CPXM2: variants seen among roughly 807,000 people sequenced by gnomAD.
The protein encoded by CPXM2 is carboxypeptidase X, M14 family member 2.
CPXM2 carries 66 observed loss-of-function variants against 86.1 expected under a neutral mutation model. The ratio of observed to expected loss-of-function variants is 0.77; its 90% confidence interval spans 0.63 to 0.94. The LOEUF is 0.94. Among genes scored for constraint, CPXM2 ranks in the 40% least tolerant of loss-of-function variants. The probability of loss-of-function intolerance (pLI) is 0.00; values close to 1 mark genes in which losing one functional copy is unlikely to be tolerated. For missense variants in CPXM2, 948 were observed against 1,026.3 expected (o/e 0.92, Z 1.04); for synonymous variants, 388 against 400.2 (o/e 0.97, Z 0.36).
chr10:123,857,571 GGC>G (rs1402656724), intron 3 of CPXM2, among the ~76,000 whole-genome samples: 3 of 130,388 alleles, frequency 2.3e-5, no homozygotes, highest in Non-Finnish European at 3.3e-5. Context: ...GATGGAAGGC[GGC>G]GTGGAGATGG....
chr10:123,938,691 C>T (rs1328419779), intron 2 of CPXM2, among the ~76,000 whole-genome samples: 11 of 152,174 alleles, frequency 7.2e-5, no homozygotes, highest in South Asian at 6.2e-4. Context: ...GCTGGCTGCC[C>T]GGCTGGCCAG....
At chr10:123,819,025 C>T (rs2134108194) in intron 4 of CPXM2, among the ~76,000 whole-genome samples, 1 of 152,236 alleles carries the variant, frequency 6.6e-6, no homozygotes, top group South Asian at 2.1e-4. Context: ...AGGAATGCTG[C>T]CACCAGGAGA....
At chr10:123,807,568 G>A (rs1250564440) in intron 4 of CPXM2, among the ~76,000 whole-genome samples, 2 of 152,166 alleles carry the variant, frequency 1.3e-5, no homozygotes, top group Non-Finnish European at 2.9e-5. Flanking sequence ...ATGAAGACAA[G>A]GAAGTAATCT....
In CPXM2 at chr10:123,754,885, G is replaced by GT; in HGVS notation, c.1918-124dup. ...CCACCAAGAACTCACACAGCACCAC[G>GT]TCTTGCTCAGAAGGCTTGGAACCGA... On this transcript the variant is annotated intron_variant, in intron 12 of 13. Coordinates refer to ENST00000241305, the MANE Select transcript of CPXM2 (RefSeq NM_198148.3). The surrounding 1 kb of genome is among the most constrained non-coding windows in gnomAD (Gnocchi z 4.0). 1 of 676,434 alleles carries GT rather than the reference G, an allele frequency of 1.5e-6. No homozygotes were observed. Among genetic ancestry groups the GT allele is most frequent in the East Asian group, 2.5e-5 (1 of 40,196 alleles). The allele number at this position is 676,434 out of a possible 1,614,324, so 41.9% of individuals were successfully genotyped here. A position where few individuals can be genotyped will look rare whatever the true frequency, so the allele number is the denominator to read the frequency against.
At chr10:123,817,969 T>C (rs759188150) in intron 4 of CPXM2, among the ~76,000 whole-genome samples, 8 of 152,200 alleles carry the variant, frequency 5.3e-5, no homozygotes, top group African/African-American at 9.6e-5. Context: ...TGCAATTACA[T>C]ACTGATACAT....
chr10:123,769,779 C>G (rs1207100900), intron 8 of CPXM2, among the ~76,000 whole-genome samples: 1 of 152,194 alleles, frequency 6.6e-6, no homozygotes, highest in Admixed American at 6.5e-5. Flanking sequence ...GACTTCCCAG[C>G]TTCCCGAACT....
In CPXM2 at chr10:123,795,956, A is replaced by C. The variant is rs531762445; in HGVS notation, c.889+2020T>G. ...ACCCGCAGAGAAAAGCTGCGGCCCTACTTTTTCAAGCAAGCAGACCAAGGC... is the reference window on the plus strand; with the variant it reads ...ACCCGCAGAGAAAAGCTGCGGCCCTCCTTTTTCAAGCAAGCAGACCAAGGC... On this transcript the variant is annotated intron_variant, in intron 6 of 13. Coordinates refer to ENST00000241305, the MANE Select transcript of CPXM2 (RefSeq NM_198148.3). Among the ~76,000 whole-genome samples the C allele has an allele frequency of 2.0e-5, 3 of 152,198 alleles. No homozygotes were observed. The South Asian group carries it at 6.2e-4, about 32-fold the overall frequency.
intron 3 of CPXM2, among the ~76,000 whole-genome samples, chr10:123,845,533 A>G (rs1463791638): frequency 2.0e-5 from 3 of 152,112 alleles, no homozygotes; most frequent in Admixed American, 6.5e-5. Flanking sequence ...AAGGCTTTCT[A>G]TTTTTAAAAC....
intron 1 of CPXM2, among the ~76,000 whole-genome samples, chr10:123,884,058 C>T (rs1324989588): frequency 1.3e-5 from 2 of 152,034 alleles, no homozygotes; most frequent in African/African-American, 4.8e-5. Flanking sequence ...TTTCTCCTCA[C>T]TATACAAAGG....
At chr10:123,823,444 C>G (rs1400666430) in intron 4 of CPXM2, among the ~76,000 whole-genome samples, 3 of 151,984 alleles carry the variant, frequency 2.0e-5, no homozygotes, top group Admixed American at 2.0e-4. Context: ...TAAGAGGTAC[C>G]TAGAAAACCA....
intron 13 of CPXM2, chr10:123,751,620 T>A (rs1846079117): frequency 2.0e-6 from 2 of 985,308 alleles, no homozygotes; most frequent in Non-Finnish European, 2.4e-6. Flanking sequence ...CATACTGATA[T>A]GCATCTAACT....
At chr10:123,890,202 C>T (rs1945245021) in intron 1 of CPXM2, among the ~76,000 whole-genome samples, 1 of 152,238 alleles carries the variant, frequency 6.6e-6, no homozygotes, top group African/African-American at 2.4e-5. Context: ...AGCTCTTAAA[C>T]ATCTGAATTC....
chr10:123,872,275 A>C (rs80110181), intron 2 of CPXM2, among the ~76,000 whole-genome samples: 7 of 152,202 alleles, frequency 4.6e-5, no homozygotes, highest in Non-Finnish European at 8.8e-5. Flanking sequence ...ACTGAAAACA[A>C]TCCAAATGCC....
In CPXM2 at chr10:123,891,672, C is replaced by T; in HGVS notation, c.-13G>A. 7.3e-7 allele frequency: 1 copy of T among 1,375,404 alleles called. No homozygotes were observed. The highest frequency in any genetic ancestry group is 9.4e-7 in the Non-Finnish European group (1 of 1,065,496). 85.2% of individuals were successfully genotyped at this position (1,375,404 alleles called of 1,614,324 possible). A position where few individuals can be genotyped will look rare whatever the true frequency, so the allele number is the denominator to read the frequency against. ...CCGGGCGGGACATGCCTGCTCCGCC[C>T]CGCGCCCAGGGCAGGGTCACGGTCA... is the stretch of plus-strand genomic sequence containing the variant. On this transcript the variant is annotated 5_prime_UTR_variant, in exon 1 of 14. Transcript: ENST00000241305. The surrounding 1 kb of genome is among the most constrained non-coding windows in gnomAD (Gnocchi z 5.6).
Position 123,757,304 on chromosome 10 carries a change from A to G in CPXM2, c.1826T>C (p.Ile609Thr), listed in dbSNP as rs779452046. The change falls in exon 12 of 14, where the codon ATC becomes ACC. Residue 609 changes from isoleucine to threonine, a missense_variant. Physicochemically the swap from Ile to Thr is moderately conservative, Grantham distance 89. Coordinates refer to ENST00000241305, the MANE Select transcript of CPXM2 (RefSeq NM_198148.3). ...TGGGTATTTATCACAGCCCACGTAG[A>G]TGGACAGTTCGAAGCAGTTTGTATG... The part of the protein sequence containing the change: ...YLHTNCFELS[I>T]YVGCDKYPHE... 2.5e-6 allele frequency: 4 copies of G among 1,613,722 alleles called. No homozygotes were observed. In the Admixed American group the frequency reaches 6.7e-5, roughly 27 times the overall value.
At chr10:123,837,501 T>C (rs1376302832) in intron 4 of CPXM2, among the ~76,000 whole-genome samples, 2 of 152,220 alleles carry the variant, frequency 1.3e-5, no homozygotes, top group Non-Finnish European at 2.9e-5. Flanking sequence ...GAAGCATCTA[T>C]TCACCTCAAG....
chr10:123,842,329 A>G lies in CPXM2; in HGVS notation c.653+20T>C. 6.2e-7 allele frequency: 1 copy of G among 1,614,048 alleles called. No individual in the cohort carries two copies. The highest frequency in any genetic ancestry group is 8.5e-7 in the Non-Finnish European group (1 of 1,179,972). ...AGACCCAAAACAGGGTCCAGAAAGCATATGTCCAGGTACACTCACAGCCAG... is the reference window on the plus strand; with the variant it reads ...AGACCCAAAACAGGGTCCAGAAAGCGTATGTCCAGGTACACTCACAGCCAG... On this transcript the variant is annotated intron_variant, in intron 4 of 13. Transcript: ENST00000241305.
At chr10:123,835,752 G>A (rs1428120491) in intron 4 of CPXM2, among the ~76,000 whole-genome samples, 1 of 152,210 alleles carries the variant, frequency 6.6e-6, no homozygotes, top group Non-Finnish European at 1.5e-5. Context: ...TTCTGCTTCT[G>A]AGCTCCTGGC....
At chr10:123,883,443 AAGG>A (rs1945126961) in intron 1 of CPXM2, among the ~76,000 whole-genome samples, 1 of 152,188 alleles carries the variant, frequency 6.6e-6, no homozygotes, top group Admixed American at 6.5e-5. Context: ...TCATCAGTGA[AAGG>A]AGAAGGCAAC....
Sources: gnomAD v4.1 joint callset for allele counts (sites outside exome capture counted in the v4.1 genomes callset) on GRCh38, gnomAD v4.1.1 for gene constraint, Gnocchi (gnomAD v3.1) non-coding constraint, MANE v1.5 for transcripts, NCBI Gene and HGNC (gene_info 2026-07-23, HGNC 2026-07-21) for gene names.